ANK2: variants seen among roughly 807,000 people sequenced by gnomAD.
The protein encoded by ANK2 is ankyrin-2.
ANK2 carries 83 observed loss-of-function variants against 360.5 expected under a neutral mutation model. The observed-to-expected ratio is 0.23, with a 90% confidence interval of 0.19 to 0.28. The LOEUF (loss-of-function observed/expected upper bound fraction) is 0.28, where lower values mean the gene tolerates loss of function less well. Ranked by LOEUF, ANK2 falls within the 10% of genes least tolerant of loss-of-function variation. The probability of loss-of-function intolerance (pLI) is 1.00; values close to 1 mark genes in which losing one functional copy is unlikely to be tolerated. For synonymous variants in ANK2, 1,740 were observed against 1,759.5 expected, an observed-to-expected ratio of 0.99 and a Z score of 0.28; for missense variants, 4,201 against 4,795.7, an observed-to-expected ratio of 0.88 and a Z score of 3.66.
At chr4:113,259,780 CTT>C (rs1264412948) in intron 13 of ANK2, among the ~76,000 whole-genome samples, 1 of 141,856 alleles carries the variant, frequency 7.0e-6, no homozygotes. Flanking sequence ...CATCCCCCCC[CTT>C]TTTTTTTTGA....
At chr4:112,878,731 T>C (rs1431318122) in intron 1 of ANK2, among the ~76,000 whole-genome samples, 3 of 152,130 alleles carry the variant, frequency 2.0e-5, no homozygotes, top group African/African-American at 7.2e-5. Context: ...CCTCTCGTGT[T>C]CACGCCATTT....
At chr4:113,080,023 C>G (rs2081727455) in intron 1 of ANK2, among the ~76,000 whole-genome samples, 2 of 151,728 alleles carry the variant, frequency 1.3e-5, no homozygotes, top group Non-Finnish European at 2.9e-5. Flanking sequence ...CTCAGTTACC[C>G]GAATAGTTGG....
chr4:113,353,924 A>C lies in ANK2; in HGVS notation c.5306A>C (p.Lys1769Thr). 9 of 1,614,058 alleles carry C rather than the reference A, an allele frequency of 5.6e-6. No individual in the cohort carries two copies. The highest frequency in any genetic ancestry group is 7.6e-6 in the Non-Finnish European group (9 of 1,179,956). Residue 1769 changes from lysine (K) to threonine (T), a missense_variant, in exon 38 of 46, where the codon AAA (lysine) becomes ACA (threonine). Coordinates refer to ENST00000357077, the MANE Select transcript of ANK2 (RefSeq NM_001148.6). ...EETPIGSIKD[K>T]VKALQKRVED... Reference sequence around the variant, plus strand: ...ACTCCCATTGGTTCCATAAAGGACAAAGTAAAGGCCCTTCAGAAGCGAGTG... The same window carrying C: ...ACTCCCATTGGTTCCATAAAGGACACAGTAAAGGCCCTTCAGAAGCGAGTG...
the ANK2 span, among the ~76,000 whole-genome samples, chr4:112,779,995 G>A: frequency 2.0e-5 from 3 of 152,108 alleles, no homozygotes; most frequent in Admixed American, 2.0e-4. Context: ...GGCCGAGGTG[G>A]GCGGATCATC....
chr4:113,282,834 C>G lies in ANK2; in HGVS notation c.2041C>G (p.Leu681Val). 1 of 1,614,018 alleles carries G rather than the reference C, an allele frequency of 6.2e-7. No individual in the cohort carries two copies. Among genetic ancestry groups the G allele is most frequent in the South Asian group, 1.1e-5 (1 of 91,084 alleles). ...GGGGCACACAGATATGGTTACCTTG[C>G]TTCTGGATAAGGGAGCCAATATCCA... Reference protein sequence around the residue: ...QEGHTDMVTLLLDKGANIHMS... With the variant: ...QEGHTDMVTLVLDKGANIHMS... The change falls in exon 18 of 46, where the codon CTT (leucine) becomes GTT (valine). Residue 681 changes from leucine (L) to valine (V), a missense_variant. Leu to Val is a conservative substitution (Grantham distance 32, BLOSUM62 1). Coordinates refer to ENST00000357077, the MANE Select transcript of ANK2 (RefSeq NM_001148.6).
chr4:112,911,416 C>G (rs72892429), intron 2 of ANK2, among the ~76,000 whole-genome samples: 18,038 of 151,682 alleles, frequency 0.12, 1,819 homozygotes, highest in East Asian at 0.33. Flanking sequence ...CCTCATACTC[C>G]GGAGGCTGAG....
At chr4:113,164,693 A>C (rs972567854) in intron 1 of ANK2, among the ~76,000 whole-genome samples, 7 of 152,216 alleles carry the variant, frequency 4.6e-5, no homozygotes, top group African/African-American at 1.7e-4. Context: ...AATTGATGAA[A>C]GGTTTTTTTC....
intron 8 of ANK2, 37 bp from the exon 9 acceptor site, chr4:113,242,074 T>C (rs2040259368): frequency 1.3e-6 from 2 of 1,547,058 alleles, no homozygotes; most frequent in African/African-American, 2.7e-5. Context: ...TGCCCTGTCA[T>C]ACCCAACAGC....
chr4:113,102,910 T>A (rs2093103034), intron 1 of ANK2, among the ~76,000 whole-genome samples: 1 of 152,034 alleles, frequency 6.6e-6, no homozygotes, highest in Non-Finnish European at 1.5e-5. Flanking sequence ...CCATCTATTC[T>A]CCTCACTTTG....
the ANK2 span, among the ~76,000 whole-genome samples, chr4:112,707,643 A>G: frequency 1.3e-5 from 2 of 152,204 alleles, no homozygotes; most frequent in Non-Finnish European, 2.9e-5. Flanking sequence ...AATTATTTTT[A>G]TATTTGGCTA....
intron 2 of ANK2, among the ~76,000 whole-genome samples, chr4:112,952,599 C>A (rs2095097657): frequency 6.6e-6 from 1 of 152,084 alleles, no homozygotes; most frequent in Non-Finnish European, 1.5e-5. Context: ...AAGAGTAATA[C>A]CATGATGTAA....
At chr4:112,753,096 T>G in the ANK2 span, among the ~76,000 whole-genome samples, 1 of 152,190 alleles carries the variant, frequency 6.6e-6, no homozygotes, top group Admixed American at 6.5e-5. Context: ...CATCCCATAT[T>G]ATTTTCCTCG....
intron 43 of ANK2, among the ~76,000 whole-genome samples, chr4:113,372,231 A>T (rs13115070): frequency 6.6e-6 from 1 of 152,098 alleles, no homozygotes; most frequent in Non-Finnish European, 1.5e-5. Flanking sequence ...GAGTTTAAGT[A>T]AAAGAAGTCA....
the ANK2 span, among the ~76,000 whole-genome samples, chr4:112,790,847 T>C: frequency 6.6e-6 from 1 of 152,182 alleles, no homozygotes; most frequent in Non-Finnish European, 1.5e-5. Context: ...GCTTTTCTTC[T>C]GGGAAATGTT....
At chr4:113,078,369 G>A (rs1418234027) in intron 1 of ANK2, among the ~76,000 whole-genome samples, 2 of 152,206 alleles carry the variant, frequency 1.3e-5, no homozygotes, top group African/African-American at 4.8e-5. Context: ...AGAAGGCAGA[G>A]TTGCTGAGGA....
chr4:112,829,926 T>A (rs2059340257), intron 1 of ANK2, among the ~76,000 whole-genome samples: 1 of 151,416 alleles, frequency 6.6e-6, no homozygotes, highest in African/African-American at 2.4e-5. Context: ...GCCACTGCAC[T>A]CTAGCCTGGA....
At chr4:113,106,254 T>C (rs529780415) in intron 1 of ANK2, among the ~76,000 whole-genome samples, 99 of 152,340 alleles carry the variant, frequency 6.5e-4, no homozygotes, top group African/African-American at 2.3e-3. Context: ...GGATTTAATA[T>C]CTTTCATCCA....
intron 1 of ANK2, among the ~76,000 whole-genome samples, chr4:112,843,306 T>G (rs529196529): frequency 1.8e-4 from 28 of 152,328 alleles, no homozygotes; most frequent in African/African-American, 6.7e-4. Context: ...AAATTAGCAC[T>G]TCTTCCTCAA....
At chr4:112,999,412 GATTAAAT>G in intron 2 of ANK2, among the ~76,000 whole-genome samples, 1 of 152,110 alleles carries the variant, frequency 6.6e-6, no homozygotes, top group Non-Finnish European at 1.5e-5. Context: ...AGATCAGAGA[GATTAAAT>G]CACTTACTGA....
Sources: gnomAD v4.1 joint callset for allele counts (sites outside exome capture counted in the v4.1 genomes callset) on GRCh38, gnomAD v4.1.1 for gene constraint, MANE v1.5 for transcripts, NCBI Gene and HGNC (gene_info 2026-07-23, HGNC 2026-07-21) for gene names.